Variants in TMEM245 observed in about 807,000 individuals in gnomAD.
The protein encoded by TMEM245 is protein CG-2.
In TMEM245, 69 loss-of-function variants were observed where a neutral mutation model predicts 101.2. The ratio of observed to expected loss-of-function variants is 0.68; its 90% confidence interval spans 0.56 to 0.83. TMEM245 has a LOEUF of 0.83. Among genes scored for constraint, TMEM245 ranks in the 40% least tolerant of loss-of-function variants. The pLI is 0.00. For missense variants in TMEM245, 1,075 were observed against 1,092.8 expected (o/e 0.98, Z 0.23); for synonymous variants, 537 against 449.8 (o/e 1.19, Z -2.45).
intron 7 of TMEM245, among the ~76,000 whole-genome samples, chr9:109,085,588 T>G (rs1026859884): frequency 6.6e-6 from 1 of 152,268 alleles, no homozygotes; most frequent in African/African-American, 2.4e-5. Context: ...GATTTGTCTT[T>G]TTAAAAAATT....
At chr9:109,106,810 G>C (rs1276872357) in intron 2 of TMEM245, among the ~76,000 whole-genome samples, 2 of 151,986 alleles carry the variant, frequency 1.3e-5, no homozygotes, top group African/African-American at 4.8e-5. Context: ...TGCTCTCAGA[G>C]GCCCCTGGTC....
chr9:109,080,557 AAAC>A (rs1044666104), intron 8 of TMEM245, among the ~76,000 whole-genome samples: 17 of 152,058 alleles, frequency 1.1e-4, no homozygotes, highest in African/African-American at 3.9e-4. Flanking sequence ...AAACTAAAAA[AAAC>A]AAGCGCCACT....
chr9:109,065,542 C>A lies in TMEM245; in HGVS notation c.1533-975G>T, dbSNP rs533450961. 4.5e-4 allele frequency among the ~76,000 whole-genome samples: 69 copies of A among 152,190 alleles called. 1 individual carries two copies. Among genetic ancestry groups the A allele is most frequent in the Non-Finnish European group, 8.8e-4 (60 of 68,028 alleles). ...ATAGAATTCCTGAGCAAAGTTCCAA[C>A]TATGCAAGGAACTATAGCCCACAGC... On this transcript the variant is annotated intron_variant, in intron 9 of 17. Transcript: ENST00000374586.
In TMEM245 at chr9:109,034,697, C is replaced by T. The variant is rs562804413; in HGVS notation, c.2400-1196G>A. Among the ~76,000 whole-genome samples the T allele has an allele frequency of 6.7e-4, 102 of 152,228 alleles. 3 individuals carry two copies. In the South Asian group the frequency reaches 0.021, roughly 31 times the overall value. Reference sequence around the variant, plus strand: ...CTGGGCTCAAGTGATCCACCCACCTCGGCCTCTCAAAGTGGTAGGATTACA... The same window carrying T: ...CTGGGCTCAAGTGATCCACCCACCTTGGCCTCTCAAAGTGGTAGGATTACA... On this transcript the variant is annotated intron_variant, in intron 16 of 17. Transcript: ENST00000374586.
chr9:109,102,522 C>G (rs7027512), intron 3 of TMEM245, among the ~76,000 whole-genome samples: 73,707 of 152,020 alleles, frequency 0.48, 18,119 homozygotes, highest in Admixed American at 0.56. Flanking sequence ...AAATAATGCT[C>G]TATAAGTGTA....
At chr9:109,046,460 T>A (rs1002873126) in intron 14 of TMEM245, among the ~76,000 whole-genome samples, 1 of 152,166 alleles carries the variant, frequency 6.6e-6, no homozygotes, top group African/African-American at 2.4e-5. Flanking sequence ...TGTATTCAAC[T>A]GAGAAGAATA....
intron 15 of TMEM245, among the ~76,000 whole-genome samples, chr9:109,037,057 A>C (rs1468098982): frequency 1.3e-5 from 2 of 152,156 alleles, no homozygotes; most frequent in Non-Finnish European, 2.9e-5. Flanking sequence ...GAACTTGACA[A>C]TGTAGAAGGA....
rs376694036 is a variant in TMEM245 at position 109,090,919 on chromosome 9, G to A, written c.1150+3C>T. On this transcript the variant is annotated splice_donor_region_variant and intron_variant, in intron 5 of 17. Coordinates refer to ENST00000374586, the MANE Select transcript of TMEM245 (RefSeq NM_032012.4). ...ACGAGATCGTACTTAACCAGATAAC[G>A]ACCTGCAATCGGCACTGGCAGCAAC... The A allele has an allele frequency of 2.2e-5, 35 of 1,613,218 alleles. No individual in the cohort carries two copies. The highest frequency in any genetic ancestry group is 1.6e-4 in the Middle Eastern group (1 of 6,082).
intron 14 of TMEM245, among the ~76,000 whole-genome samples, chr9:109,043,266 G>A (rs1026749651): frequency 5.3e-5 from 8 of 152,110 alleles, no homozygotes; most frequent in African/African-American, 1.9e-4. Context: ...CAAATCTCTT[G>A]CAAACATCAC....
At chr9:109,100,991 C>A (rs1348365863) in intron 3 of TMEM245, among the ~76,000 whole-genome samples, 2 of 152,098 alleles carry the variant, frequency 1.3e-5, no homozygotes, top group Non-Finnish European at 2.9e-5. Flanking sequence ...CAGCAATGAT[C>A]CACAAGAAGA....
In TMEM245 at chr9:109,090,911, C is replaced by T. The variant is rs1829983455; in HGVS notation, c.1150+11G>A. On this transcript the variant is annotated intron_variant, in intron 5 of 17. Transcript: ENST00000374586. Reference sequence around the variant, plus strand: ...AAGACAAGACGAGATCGTACTTAACCAGATAACGACCTGCAATCGGCACTG... The same window carrying T: ...AAGACAAGACGAGATCGTACTTAACTAGATAACGACCTGCAATCGGCACTG... 2 of 1,612,332 alleles carry T rather than the reference C, an allele frequency of 1.2e-6. No homozygotes were observed. Among genetic ancestry groups the T allele is most frequent in the African/African-American group, 1.3e-5 (1 of 74,832 alleles).
intron 1 of TMEM245, among the ~76,000 whole-genome samples, chr9:109,117,234 C>G (rs896728732): frequency 8.6e-5 from 13 of 151,890 alleles, no homozygotes; most frequent in African/African-American, 3.1e-4. Context: ...CTCAGCCTCC[C>G]AAATAGTTGG....
rs7041281 is a variant in TMEM245, at chr9:109,015,735, C to A, written c.*4725G>T. 0.15 allele frequency: 22,604 copies of A among 152,424 alleles called. 1,900 individuals carry two copies. The highest frequency in any genetic ancestry group is 0.19 in the African/African-American group (8,061 of 41,444). 9.4% of individuals were successfully genotyped at this position (152,424 alleles called of 1,614,324 possible). A position where few individuals can be genotyped will look rare whatever the true frequency, so the allele number is the denominator to read the frequency against. On this transcript the variant is annotated 3_prime_UTR_variant, in exon 18 of 18. Coordinates refer to ENST00000374586, the MANE Select transcript of TMEM245 (RefSeq NM_032012.4). ...AAAAACTTTTCAGAGCCTCCAGAGCCCCCCCATCTGTACAATAAGGATAAT... is the reference window on the plus strand; with the variant it reads ...AAAAACTTTTCAGAGCCTCCAGAGCACCCCCATCTGTACAATAAGGATAAT...
At chr9:109,113,806 C>T (rs1830635419) in intron 1 of TMEM245, among the ~76,000 whole-genome samples, 1 of 152,136 alleles carries the variant, frequency 6.6e-6, no homozygotes, top group African/African-American at 2.4e-5. Context: ...AATAAAACTA[C>T]AGGAAGGGTG....
chr9:109,119,465 A>G lies in TMEM245; in HGVS notation c.449T>C (p.Leu150Pro), dbSNP rs1830833408. Residue 150 changes from leucine (L) to proline (P), a missense_variant, in exon 1 of 18, where the codon CTG becomes CCG. Physicochemically the swap from Leu to Pro is moderately conservative, Grantham distance 98 (BLOSUM62 -3). Around this residue, in one of 2 missense-constraint regions of TMEM245, gnomAD observed 808 missense variants for 741.5 expected, o/e 1.09. Transcript: ENST00000374586. ...EQALRRRRLLLLLGAGGPLLY... is the reference protein window; with the variant it reads ...EQALRRRRLLPLLGAGGPLLY... Reference sequence around the variant, plus strand: ...GAGCGGGCCGCCGGCGCCGAGCAGCAGGAGCAGGCGGCGGCGGCGCAGCGC... The same window carrying G: ...GAGCGGGCCGCCGGCGCCGAGCAGCGGGAGCAGGCGGCGGCGGCGCAGCGC... 6.7e-7 allele frequency: 1 copy of G among 1,496,140 alleles called. No homozygotes were observed. Among genetic ancestry groups the G allele is most frequent in the Non-Finnish European group, 8.8e-7 (1 of 1,132,312 alleles). The allele number at this position is 1,496,140 out of a possible 1,614,324, so 92.7% of individuals were successfully genotyped here.
intron 1 of TMEM245, among the ~76,000 whole-genome samples, chr9:109,112,954 T>C (rs1380732544): frequency 1.3e-5 from 2 of 152,060 alleles, no homozygotes; most frequent in South Asian, 2.1e-4. Flanking sequence ...CAGATGCCTG[T>C]AGTCCCAGCC....
chr9:109,057,098 G>A (rs1828861318), intron 12 of TMEM245, 93 bp downstream of exon 12: 5 of 1,359,200 alleles, frequency 3.7e-6, no homozygotes, highest in Non-Finnish European at 5.0e-6. Context: ...TTAAAAACAG[G>A]ATAGATGAGG....
rs764278159 is a variant in TMEM245, at chr9:109,119,781, G to GCAGCGC, written c.127_132dup (p.Ala43_Leu44dup). On this transcript the variant is annotated inframe_insertion, in exon 1 of 18. Transcript: ENST00000374586. ...GCCTGCTTAATGGGCTTGTCGAAGC[G>GCAGCGC]CAGCGCCAGCGCCGCGGTCCGCGGG... 16 of 1,479,398 alleles carry GCAGCGC rather than the reference G, an allele frequency of 1.1e-5. No individual in the cohort carries two copies. Among genetic ancestry groups the GCAGCGC allele is most frequent in the African/African-American group, 1.4e-5 (1 of 69,034 alleles). 91.6% of individuals were successfully genotyped at this position (1,479,398 alleles called of 1,614,324 possible).
At position 109,020,521 on chromosome 9, in the gene TMEM245, A is replaced by G; in HGVS notation, c.2595-16T>C. The G allele has an allele frequency of 6.2e-7, 1 of 1,611,784 alleles. No individual in the cohort carries two copies. Among genetic ancestry groups the G allele is most frequent in the Non-Finnish European group, 8.5e-7 (1 of 1,178,014 alleles). On this transcript the variant is annotated splice_polypyrimidine_tract_variant and intron_variant, in intron 17 of 17. Coordinates refer to ENST00000374586, the MANE Select transcript of TMEM245 (RefSeq NM_032012.4). ...ACGGAAAGTCCTAAAAGAAAAAAAGACGGAATGATTAGTTGATTACCATAA... is the reference window on the plus strand; with the variant it reads ...ACGGAAAGTCCTAAAAGAAAAAAAGGCGGAATGATTAGTTGATTACCATAA...
Sources: allele counts gnomAD v4.1 joint callset (sites outside exome capture counted in the v4.1 genomes callset), GRCh38; gene constraint gnomAD v4.1.1; regional missense constraint gnomAD v4.1.1; transcripts MANE v1.5; gene names NCBI Gene and HGNC (gene_info 2026-07-23, HGNC 2026-07-21).